RTN1: variants seen among roughly 807,000 people sequenced by gnomAD.
RTN1 encodes reticulon 1.
RTN1 carries 25 observed loss-of-function variants against 65.5 expected under a neutral mutation model. The ratio of observed to expected loss-of-function variants is 0.38; its 90% CI spans 0.28 to 0.53. The LOEUF is 0.53. Ranked by LOEUF, RTN1 falls within the 20% of genes least tolerant of loss-of-function variation. The pLI, the probability that RTN1 is intolerant of heterozygous loss-of-function variation, is 0.79. For missense variants in RTN1, 983 were observed against 1,025.4 expected, an observed-to-expected ratio of 0.96 and a Z score of 0.57; for synonymous variants, 471 against 447.6, an observed-to-expected ratio of 1.05 and a Z score of -0.66.
At chr14:59,630,766 T>G (rs1269603630) in intron 3 of RTN1, 48 of 1,070,706 alleles carry the variant, frequency 4.5e-5, no homozygotes, top group Non-Finnish European at 4.5e-5. Flanking sequence ...GCGACAGCGT[T>G]GGCTGGGCTG....
At chr14:59,612,143 T>G (rs8014166) in intron 3 of RTN1, among the ~76,000 whole-genome samples, 1 of 152,118 alleles carries the variant, frequency 6.6e-6, no homozygotes, top group East Asian at 1.9e-4. Flanking sequence ...TGTTTTGTTA[T>G]GTGTATTTTG....
Position 59,838,095 on chromosome 14 carries a change from C to T in RTN1, c.241+32295G>A, listed in dbSNP as rs147920967. Among the ~76,000 whole-genome samples, 977 of 152,266 alleles carry T rather than the reference C, an allele frequency of 6.4e-3. 41 individuals carry two copies. Among genetic ancestry groups the T allele is most frequent in the Admixed American group, 0.055 (840 of 15,284 alleles). On this transcript the variant is annotated intron_variant, in intron 1 of 8. Transcript: ENST00000267484. ...ATAGGTAGTTTTTCGGCCTTTGCCC[C>T]TATCCCTCTCTCTCCCCTCTAGTAG...
At chr14:59,655,227 T>G (rs1038992482) in intron 3 of RTN1, among the ~76,000 whole-genome samples, 1 of 152,088 alleles carries the variant, frequency 6.6e-6, no homozygotes, top group African/African-American at 2.4e-5. Flanking sequence ...AGGAATAAAA[T>G]ACTTAGGAAT....
At chr14:59,772,615 A>G (rs1041306650) in intron 1 of RTN1, among the ~76,000 whole-genome samples, 3 of 151,974 alleles carry the variant, frequency 2.0e-5, no homozygotes, top group African/African-American at 7.2e-5. Flanking sequence ...ATGATGCTAA[A>G]TCATAAAACT....
chr14:59,639,161 C>T (rs972901604), intron 3 of RTN1, among the ~76,000 whole-genome samples: 1 of 152,190 alleles, frequency 6.6e-6, no homozygotes, highest in African/African-American at 2.4e-5. Flanking sequence ...AGTCAGAACA[C>T]ACACAACATT....
rs5809052 is a variant in RTN1 at position 59,857,321 on chromosome 14, CACCT to C, written c.241+13065_241+13068del. 2.2e-3 allele frequency among the ~76,000 whole-genome samples: 341 copies of C among 152,300 alleles called. 1 individual carries two copies. Among genetic ancestry groups the C allele is most frequent in the African/African-American group, 7.9e-3 (327 of 41,560 alleles). On this transcript the variant is annotated intron_variant, in intron 1 of 8. Transcript: ENST00000267484. Reference sequence around the variant, plus strand: ...AAATCCATATCAACAATCCTGTTGTCACCTACAAAATCCATTTCTTTATCTACAG... The same window carrying C: ...AAATCCATATCAACAATCCTGTTGTCACAAAATCCATTTCTTTATCTACAG...
chr14:59,851,953 G>A (rs896446292), intron 1 of RTN1, among the ~76,000 whole-genome samples: 2 of 151,796 alleles, frequency 1.3e-5, no homozygotes, highest in Admixed American at 6.6e-5. Flanking sequence ...TTAAAATACT[G>A]TACAATTTCT....
At chr14:59,631,503 T>C (rs1882554221) in intron 3 of RTN1, among the ~76,000 whole-genome samples, 1 of 152,212 alleles carries the variant, frequency 6.6e-6, no homozygotes, top group Non-Finnish European at 1.5e-5. Context: ...GATAAGACTT[T>C]TGGCTTCCAA....
At position 59,868,685 on chromosome 14, in the gene RTN1, G is replaced by A. The variant is rs1438202816; in HGVS notation, c.241+1705C>T. ...AAGCATTTCCTATATAATAACTTTT[G>A]TGGATATGTTACTGAGCATGGGGCA... On this transcript the variant is annotated intron_variant, in intron 1 of 8. Transcript: ENST00000267484. This position sits in a 1 kb window ranked among gnomAD's most constrained non-coding sequence, Gnocchi z 4.0. 6.6e-6 allele frequency among the ~76,000 whole-genome samples: 1 copy of A among 152,134 alleles called. No individual in the cohort carries two copies. The highest frequency in any genetic ancestry group is 1.5e-5 in the Non-Finnish European group (1 of 68,022).
Position 59,838,832 on chromosome 14 carries a change from C to T in RTN1, c.241+31558G>A, listed in dbSNP as rs11850637. On this transcript the variant is annotated intron_variant, in intron 1 of 8. Coordinates refer to ENST00000267484, the MANE Select transcript of RTN1 (RefSeq NM_021136.3). ...TAATATTTTGGCCATTAAAGGCACACATAATTGAGAAGATTAAGATCATTG... is the reference window on the plus strand; with the variant it reads ...TAATATTTTGGCCATTAAAGGCACATATAATTGAGAAGATTAAGATCATTG... 4.6e-3 allele frequency among the ~76,000 whole-genome samples: 707 copies of T among 152,188 alleles called. 9 individuals are homozygous for T. The highest frequency in any genetic ancestry group is 0.016 in the African/African-American group (684 of 41,540).
intron 8 of RTN1, among the ~76,000 whole-genome samples, chr14:59,599,323 C>G (rs1444668588): frequency 6.6e-6 from 1 of 152,166 alleles, no homozygotes; most frequent in Non-Finnish European, 1.5e-5. Flanking sequence ...CTCAAGATCC[C>G]TTGATTCATT....
At position 59,845,736 on chromosome 14, in the gene RTN1, A is replaced by G. The variant is rs1387407939; in HGVS notation, c.241+24654T>C. Among the ~76,000 whole-genome samples, 6 of 152,280 alleles carry G rather than the reference A, an allele frequency of 3.9e-5. No homozygotes were observed. The East Asian group carries it at 1.2e-3, about 29-fold the overall frequency. ...TCATGCATAGAACTACTACTTGTCC[A>G]TATCTGATTATGCCAGCTTTACAAG... On this transcript the variant is annotated intron_variant, in intron 1 of 8. Coordinates refer to ENST00000267484, the MANE Select transcript of RTN1 (RefSeq NM_021136.3).
At chr14:59,776,231 G>C (rs1886047766) in intron 1 of RTN1, among the ~76,000 whole-genome samples, 1 of 152,114 alleles carries the variant, frequency 6.6e-6, no homozygotes, top group South Asian at 2.1e-4. Flanking sequence ...AAGTCCCAAT[G>C]CATCAATGTT....
chr14:59,699,133 T>A (rs1227534954), intron 3 of RTN1, among the ~76,000 whole-genome samples: 1 of 152,252 alleles, frequency 6.6e-6, no homozygotes. Context: ...TTCTATATCA[T>A]CATGGTTAAT....
chr14:59,837,337 AT>A (rs1887230813), intron 1 of RTN1, among the ~76,000 whole-genome samples: 1 of 152,082 alleles, frequency 6.6e-6, no homozygotes. Context: ...ATGTAAAAAA[AT>A]AAAATATTTA....
At chr14:59,721,425 G>C (rs1365869136) in intron 3 of RTN1, among the ~76,000 whole-genome samples, 1 of 152,188 alleles carries the variant, frequency 6.6e-6, no homozygotes, top group African/African-American at 2.4e-5. Context: ...TCACCAACAA[G>C]TTTTCTTAGA....
intron 3 of RTN1, among the ~76,000 whole-genome samples, chr14:59,644,801 G>A (rs1488245338): frequency 1.3e-5 from 2 of 151,806 alleles, no homozygotes; most frequent in Non-Finnish European, 2.9e-5. Flanking sequence ...CTTCAGTACA[G>A]CCACCCTACA....
At chr14:59,805,874 C>A (rs1031056004) in intron 1 of RTN1, among the ~76,000 whole-genome samples, 10 of 152,104 alleles carry the variant, frequency 6.6e-5, no homozygotes, top group African/African-American at 2.4e-4. Flanking sequence ...TGAATTCAAT[C>A]CTATTTGAAG....
intron 1 of RTN1, among the ~76,000 whole-genome samples, chr14:59,838,289 T>C (rs1887249809): frequency 6.6e-6 from 1 of 152,194 alleles, no homozygotes; most frequent in African/African-American, 2.4e-5. Context: ...GTTCAACCTT[T>C]CCGAAAGGAC....
Sources: allele counts gnomAD v4.1 joint callset (sites outside exome capture counted in the v4.1 genomes callset), GRCh38; gene constraint gnomAD v4.1.1; non-coding constraint Gnocchi (gnomAD v3.1); transcripts MANE v1.5; gene names NCBI Gene and HGNC (gene_info 2026-07-23, HGNC 2026-07-21).